DNAH11: variants seen among roughly 807,000 people sequenced by gnomAD.
DNAH11 encodes the protein axonemal beta dynein heavy chain 11.
A neutral mutation model predicts 526.0 loss-of-function variants in DNAH11; 442 were observed. That is an observed-to-expected ratio of 0.84 (90% CI 0.78 to 0.91). The LOEUF is 0.91. Among genes scored for constraint, DNAH11 ranks in the 40% least tolerant of loss-of-function variants. DNAH11 has a pLI of 0.00. For missense variants in DNAH11, 6,989 were observed against 5,448.7 expected, an observed-to-expected ratio of 1.28 and a Z score of -8.90; for synonymous variants, 2,461 against 1,935.9, an observed-to-expected ratio of 1.27 and a Z score of -7.12.
At chr7:21,671,950 A>G (rs899739367) in intron 30 of DNAH11, among the ~76,000 whole-genome samples, 3 of 152,170 alleles carry the variant, frequency 2.0e-5, no homozygotes, top group Admixed American at 2.0e-4. Flanking sequence ...TAGCAGTAGG[A>G]TTAAAGGAGA....
At chr7:21,897,086 T>A (rs918906772) in intron 79 of DNAH11, among the ~76,000 whole-genome samples, 2 of 152,058 alleles carry the variant, frequency 1.3e-5, no homozygotes, top group African/African-American at 4.8e-5. Context: ...AAAAATAAAG[T>A]ATATTTCATC....
At chr7:21,874,468 T>C (rs1489303379) in intron 74 of DNAH11, among the ~76,000 whole-genome samples, 4 of 152,036 alleles carry the variant, frequency 2.6e-5, no homozygotes, top group Admixed American at 6.5e-5. Flanking sequence ...CCCAGGTAGC[T>C]GGGATTACAG....
chr7:21,597,463 A>G (rs1021054117), intron 14 of DNAH11, among the ~76,000 whole-genome samples: 2 of 152,206 alleles, frequency 1.3e-5, no homozygotes, highest in South Asian at 4.1e-4. Flanking sequence ...GTCATTTATG[A>G]AGAAAAGAGA....
chr7:21,885,325 C>A (rs1784089788), intron 76 of DNAH11, among the ~76,000 whole-genome samples: 2 of 149,144 alleles, frequency 1.3e-5, no homozygotes, highest in South Asian at 4.2e-4. Context: ...CCAGGGTGAA[C>A]CTGGAGGACA....
In DNAH11 at chr7:21,892,449, C is replaced by T; in HGVS notation, c.12532C>T (p.Pro4178Ser). The change falls in exon 77 of 82, where the codon CCA becomes TCA. Residue 4178 changes from proline to serine, a missense_variant. Coordinates refer to ENST00000409508, the MANE Select transcript of DNAH11 (RefSeq NM_001277115.2). Reference protein sequence around the residue: ...SLTEDELMLAPGFAAPPYLDY... With the variant: ...SLTEDELMLASGFAAPPYLDY... ...GACTGAAGATGAACTGATGCTGGCA[C>T]CAGGTTTTGCTGCCCCACCCTACCT... The T allele has an allele frequency of 1.2e-6, 2 of 1,611,886 alleles. No homozygotes were observed. The highest frequency in any genetic ancestry group is 1.7e-6 in the Non-Finnish European group (2 of 1,178,380).
intron 20 of DNAH11, among the ~76,000 whole-genome samples, chr7:21,612,043 A>G (rs939532484): frequency 6.6e-6 from 1 of 152,226 alleles, no homozygotes; most frequent in African/African-American, 2.4e-5. Context: ...TTAGAATAAA[A>G]TAGGGAATGA....
At chr7:21,602,839 ATACT>A (rs1163565710) in intron 18 of DNAH11, among the ~76,000 whole-genome samples, 1 of 152,164 alleles carries the variant, frequency 6.6e-6, no homozygotes, top group Non-Finnish European at 1.5e-5. Flanking sequence ...CAATTTCTCT[ATACT>A]TGCTCCCATC....
intron 62 of DNAH11, among the ~76,000 whole-genome samples, chr7:21,807,360 G>C (rs6965806): frequency 6.6e-6 from 1 of 152,184 alleles, no homozygotes; most frequent in African/African-American, 2.4e-5. Flanking sequence ...TTTGCCAGGC[G>C]TGGTGGTGCA....
rs1583784910 is a variant in DNAH11 at position 21,861,938 on chromosome 7, G to A, written c.11288G>A (p.Ser3763Asn). 6 of 1,613,694 alleles carry A rather than the reference G, an allele frequency of 3.7e-6. No individual in the cohort carries two copies. Among genetic ancestry groups the A allele is most frequent in the Non-Finnish European group, 5.1e-6 (6 of 1,179,776 alleles). Residue 3763 changes from serine (S) to asparagine (N), a missense_variant, in exon 69 of 82, where the codon AGC (serine) becomes AAC (asparagine). By Grantham distance (46) the Ser-to-Asn change is conservative. Transcript: ENST00000409508. Reference sequence around the variant, plus strand: ...GGACGCATCTCTATCCTGATGGAGAGCATCACCCATGCTGTCTTCCTCTAC... The same window carrying A: ...GGACGCATCTCTATCCTGATGGAGAACATCACCCATGCTGTCTTCCTCTAC... ...MQGRISILME[S>N]ITHAVFLYTS...
chr7:21,727,485 A>C (rs2128486229), intron 45 of DNAH11, among the ~76,000 whole-genome samples: 1 of 152,328 alleles, frequency 6.6e-6, no homozygotes, highest in African/African-American at 2.4e-5. Context: ...CAGTCATGTG[A>C]CAGCTAATGA....
intron 74 of DNAH11, 108 bp from the exon 75 acceptor site, chr7:21,880,584 AGACTGCCTCT>A: frequency 1.3e-5 from 13 of 1,012,794 alleles, no homozygotes; most frequent in Non-Finnish European, 1.9e-5. Flanking sequence ...GCCATGCTGA[AGACTGCCTCT>A]GTAGTATCTC....
chr7:21,765,219 G>A (rs917033623), intron 54 of DNAH11, among the ~76,000 whole-genome samples: 14 of 123,338 alleles, frequency 1.1e-4, no homozygotes, highest in Non-Finnish European at 2.1e-4. Flanking sequence ...GTACACAGCA[G>A]TGTTTCTGTG....
intron 66 of DNAH11, among the ~76,000 whole-genome samples, chr7:21,843,309 C>T (rs1436984651): frequency 4.0e-5 from 6 of 151,588 alleles, no homozygotes; most frequent in African/African-American, 1.5e-4. Flanking sequence ...AAAAGATTAA[C>T]AAAATAAAAA....
rs1230129876 is a variant in DNAH11, at chr7:21,570,137, G to T, written c.1263G>T (p.Gln421His). Residue 421 changes from glutamine (Q) to histidine (H), a missense_variant, in exon 7 of 82, where the codon CAG becomes CAT. Physicochemically the swap from Gln to His is conservative, Grantham distance 24. Transcript: ENST00000409508. ...GEIEESLEKV[Q>H]VAVNILKTFK... ...TAGAAGAGTCACTGGAAAAGGTGCAGGTGGCTGTTAACATCTTAAAGACTT... is the reference window on the plus strand; with the variant it reads ...TAGAAGAGTCACTGGAAAAGGTGCATGTGGCTGTTAACATCTTAAAGACTT... 1.2e-6 allele frequency: 2 copies of T among 1,613,250 alleles called. No homozygotes were observed. Among genetic ancestry groups the T allele is most frequent in the Admixed American group, 3.3e-5 (2 of 59,930 alleles).
chr7:21,610,453 T>C (rs1402866073), intron 20 of DNAH11, among the ~76,000 whole-genome samples: 1 of 152,126 alleles, frequency 6.6e-6, no homozygotes. Context: ...AGCACTCTCA[T>C]TCAGTCTCTT....
rs1029709445 is a variant in DNAH11, at chr7:21,854,550, A to G, written c.11202+95A>G. 4.2e-5 allele frequency: 51 copies of G among 1,215,500 alleles called. No homozygotes were observed. The Admixed American group carries it at 1.3e-3, about 31-fold the overall frequency. The allele number at this position is 1,215,500 out of a possible 1,614,324, so 75.3% of individuals were successfully genotyped here. ...TATTTTATTATTGATAATAATAATA[A>G]CTATTATTACTATTATTGAGACAGA... On this transcript the variant is annotated intron_variant, in intron 68 of 81. Coordinates refer to ENST00000409508, the MANE Select transcript of DNAH11 (RefSeq NM_001277115.2).
intron 51 of DNAH11, among the ~76,000 whole-genome samples, chr7:21,745,596 C>A (rs191478017): frequency 6.6e-6 from 1 of 152,326 alleles, no homozygotes; most frequent in African/African-American, 2.4e-5. Context: ...TCCTATGGGA[C>A]ATTGTTCTAG....
chr7:21,752,158 G>C (rs1400699923), intron 54 of DNAH11, among the ~76,000 whole-genome samples: 3 of 152,246 alleles, frequency 2.0e-5, no homozygotes, highest in African/African-American at 7.2e-5. Flanking sequence ...GTTATAAATA[G>C]TGCTAGAATG....
chr7:21,561,414 T>C (rs1783454326), intron 5 of DNAH11: 3 of 375,254 alleles, frequency 8.0e-6, no homozygotes, highest in Admixed American at 9.1e-5. Flanking sequence ...TTAATTAGAA[T>C]GTTTGTGGAG....
Sources: allele counts gnomAD v4.1 joint callset (sites outside exome capture counted in the v4.1 genomes callset), GRCh38; gene constraint gnomAD v4.1.1; transcripts MANE v1.5; gene names NCBI Gene and HGNC (gene_info 2026-07-23, HGNC 2026-07-21).